TIMP2: variants seen among roughly 807,000 people sequenced by gnomAD.
The protein encoded by TIMP2 is TIMP metallopeptidase inhibitor 2.
A neutral mutation model predicts 24.3 loss-of-function variants in TIMP2; 5 were observed. The ratio of observed to expected loss-of-function variants is 0.21; its 90% CI spans 0.11 to 0.43. The LOEUF (loss-of-function observed/expected upper bound fraction) is 0.43. Ranked by LOEUF, TIMP2 falls within the 20% of genes least tolerant of loss-of-function variation. The probability of loss-of-function intolerance (pLI) is 1.00; values close to 1 mark genes in which losing one functional copy is unlikely to be tolerated. For synonymous variants in TIMP2, 130 were observed against 123.2 expected, an observed-to-expected ratio of 1.06 and a Z score of -0.37; for missense variants, 221 against 297.5, an observed-to-expected ratio of 0.74 and a Z score of 1.89.
chr17:78,914,255 C>T (rs1224677143), intron 1 of TIMP2, among the ~76,000 whole-genome samples: 2 of 106,554 alleles, frequency 1.9e-5, no homozygotes, highest in Non-Finnish European at 4.2e-5. Flanking sequence ...GAAATTTTGG[C>T]TATTCATTTA....
At chr17:78,864,389 C>T (rs1018456756) in intron 3 of TIMP2, among the ~76,000 whole-genome samples, 8 of 145,476 alleles carry the variant, frequency 5.5e-5, no homozygotes, top group African/African-American at 2.1e-4. Context: ...TCCTCCCTCC[C>T]TTCCTTCCTT....
intron 3 of TIMP2, among the ~76,000 whole-genome samples, chr17:78,864,334 C>G (rs1488686670): frequency 6.6e-6 from 1 of 151,326 alleles, no homozygotes; most frequent in Non-Finnish European, 1.5e-5. Context: ...CCCTTCACTC[C>G]CTCCCTCCTT....
In TIMP2 at chr17:78,877,299, C is replaced by G. The variant is rs1411127949; in HGVS notation, c.131-3380G>C. Reference sequence around the variant, plus strand: ...TCACCAGCTCACAAGCAAACCAGGGCCAGGCACGGTGGCTCACTCCTATAA... The same window carrying G: ...TCACCAGCTCACAAGCAAACCAGGGGCAGGCACGGTGGCTCACTCCTATAA... On this transcript the variant is annotated intron_variant, in intron 1 of 4. Coordinates refer to ENST00000262768, the MANE Select transcript of TIMP2 (RefSeq NM_003255.5). Among the ~76,000 whole-genome samples the G allele has an allele frequency of 3.0e-4, 45 of 152,342 alleles. 1 individual carries two copies.
intron 1 of TIMP2, among the ~76,000 whole-genome samples, chr17:78,874,744 A>AT (rs36077675): frequency 2.9e-3 from 405 of 138,024 alleles, no homozygotes; most frequent in East Asian, 4.0e-3. Flanking sequence ...CGCCCGGTTA[A>AT]TTTTTTTTTT....
intron 1 of TIMP2, among the ~76,000 whole-genome samples, chr17:78,917,080 G>A (rs967485421): frequency 3.3e-5 from 5 of 152,068 alleles, no homozygotes; most frequent in South Asian, 2.1e-4. Context: ...GTGAAACCCC[G>A]TCTCTACTAA....
In TIMP2 at chr17:78,896,434, T is replaced by C. The variant is rs1375490483; in HGVS notation, c.131-22515A>G. 6.6e-6 allele frequency among the ~76,000 whole-genome samples: 1 copy of C among 152,178 alleles called. No homozygotes were observed. The highest frequency in any genetic ancestry group is 6.5e-5 in the Admixed American group (1 of 15,280). On this transcript the variant is annotated intron_variant, in intron 1 of 4. Transcript: ENST00000262768. The surrounding 1 kb of genome is among the most constrained non-coding windows in gnomAD (Gnocchi z 4.4). The stretch of plus-strand genomic sequence containing the variant: ...GTGCCCTTGGCAGGACACTTGCCAA[T>C]GAAGACAGCCATGGTTCCAATCAGG...
intron 1 of TIMP2, chr17:78,892,446 G>A (rs536798002): frequency 2.1e-5 from 32 of 1,548,524 alleles, no homozygotes; most frequent in African/African-American, 6.8e-5. Context: ...AAGCCACAAC[G>A]TTCCACAGCA....
intron 1 of TIMP2, among the ~76,000 whole-genome samples, chr17:78,882,313 G>A (rs748391603): frequency 7.9e-5 from 12 of 152,304 alleles, no homozygotes; most frequent in South Asian, 2.1e-4. Flanking sequence ...AGCTGAGGGT[G>A]TACCAGGGGC....
intron 3 of TIMP2, among the ~76,000 whole-genome samples, chr17:78,868,643 A>T (rs1195443674): frequency 1.3e-5 from 2 of 152,158 alleles, no homozygotes; most frequent in Non-Finnish European, 2.9e-5. Context: ...AGTCAGTGCC[A>T]TGCTAGACTG....
intron 1 of TIMP2, among the ~76,000 whole-genome samples, chr17:78,907,625 C>A (rs2070172385): frequency 6.6e-6 from 1 of 152,158 alleles, no homozygotes; most frequent in East Asian, 1.9e-4. Flanking sequence ...AAATGGGACA[C>A]AAACACATGA....
At chr17:78,890,906 T>C (rs1432892678) in intron 1 of TIMP2, 1 of 1,550,700 alleles carries the variant, frequency 6.4e-7, no homozygotes, top group Non-Finnish European at 8.7e-7. Context: ...AGCTTTGTAG[T>C]GGATTTCCAA....
intron 1 of TIMP2, among the ~76,000 whole-genome samples, chr17:78,878,714 TGCAGGGAAGTGGGGGTGAGGG>T (rs1264144394): frequency 2.7e-5 from 4 of 147,644 alleles, no homozygotes; most frequent in East Asian, 4.0e-4. Context: ...GCCAGATGCC[TGCAGGGAAGTGGGGGTGAGGG>T]GCAGGGAAGT....
chr17:78,857,716 C>A, intron 3 of TIMP2, 70 bp from the exon 4 acceptor site: 18 of 1,601,296 alleles, frequency 1.1e-5, no homozygotes, highest in Non-Finnish European at 1.2e-5. Context: ...CTCCTCCACC[C>A]GGCGCAGGGG....
chr17:78,863,764 C>T (rs1003500081), intron 3 of TIMP2, among the ~76,000 whole-genome samples: 3 of 152,256 alleles, frequency 2.0e-5, no homozygotes, highest in African/African-American at 7.2e-5. Flanking sequence ...CTGTCATCTC[C>T]AGTGTAAGAC....
At chr17:78,874,139 T>C (rs973517032) in intron 1 of TIMP2, 8 of 512,956 alleles carry the variant, frequency 1.6e-5, no homozygotes, top group African/African-American at 1.4e-4. Context: ...CCTTCCACGA[T>C]TCTTCAACAA....
At chr17:78,857,154 A>G in intron 4 of TIMP2, 1 of 222,076 alleles carries the variant, frequency 4.5e-6, no homozygotes. Flanking sequence ...TCACCTGGCT[A>G]ATTTTTGTAT....
chr17:78,905,172 C>T (rs1299573020), intron 1 of TIMP2: 1 of 152,078 alleles, frequency 6.6e-6, no homozygotes, highest in African/African-American at 2.4e-5. Flanking sequence ...GGGACATCCA[C>T]CTTCTTTCTG....
intron 3 of TIMP2, among the ~76,000 whole-genome samples, chr17:78,868,806 C>T (rs927362755): frequency 6.6e-5 from 10 of 152,136 alleles, no homozygotes; most frequent in Non-Finnish European, 1.3e-4. Context: ...GTGCAGAGAC[C>T]GCTTCCATCA....
chr17:78,905,397 C>T (rs1958738688), intron 1 of TIMP2, among the ~76,000 whole-genome samples: 1 of 152,234 alleles, frequency 6.6e-6, no homozygotes, highest in Admixed American at 6.5e-5. Context: ...CTGGATGGAG[C>T]CTATTGGTTC....
Sources: gnomAD v4.1 joint callset for allele counts (sites outside exome capture counted in the v4.1 genomes callset) on GRCh38, gnomAD v4.1.1 for gene constraint, Gnocchi (gnomAD v3.1) non-coding constraint, MANE v1.5 for transcripts, NCBI Gene and HGNC (gene_info 2026-07-23, HGNC 2026-07-21) for gene names.